ADAMTS2: variants seen among roughly 807,000 people sequenced by gnomAD.
ADAMTS2 encodes A disintegrin and metalloproteinase with thrombospondin motifs 2.
Under a neutral mutation model 123.0 loss-of-function variants are expected in ADAMTS2, and 50 were observed. That is an observed-to-expected ratio of 0.41 (90% CI 0.32 to 0.51). ADAMTS2 has a LOEUF of 0.51. ADAMTS2 is among the 20% of genes least tolerant of loss of function. The pLI is 0.35. For missense variants in ADAMTS2, 1,494 were observed against 1,705.2 expected (o/e 0.88, Z 2.18); for synonymous variants, 678 against 695.4 (o/e 0.98, Z 0.39).
intron 2 of ADAMTS2, among the ~76,000 whole-genome samples, chr5:179,298,242 AC>A (rs11380844): frequency 0.39 from 59,596 of 151,554 alleles, 13,766 homozygotes; most frequent in Non-Finnish European, 0.52. Context: ...TTCACTCCTA[AC>A]TCTGTGGCAG....
chr5:179,308,633 C>T lies in ADAMTS2; in HGVS notation c.534+35134G>A, dbSNP rs1756741295. ...AAACAGTTTCTCCCAACATGATGCC[C>T]ATGTGTATGTGGATTGGGGGAAATT... On this transcript the variant is annotated intron_variant, in intron 2 of 21. Transcript: ENST00000251582. The surrounding 1 kb of genome is among the most constrained non-coding windows in gnomAD (Gnocchi z 6.6). 6.6e-6 allele frequency among the ~76,000 whole-genome samples: 1 copy of T among 152,174 alleles called. No homozygotes were observed. Among genetic ancestry groups the T allele is most frequent in the Admixed American group, 6.5e-5 (1 of 15,280 alleles).
Position 179,207,210 on chromosome 5 carries a change from C to T in ADAMTS2, c.891+303G>A, listed in dbSNP as rs115957547. Among the ~76,000 whole-genome samples, 440 of 152,110 alleles carry T rather than the reference C, an allele frequency of 2.9e-3. 1 individual carries two copies. Among genetic ancestry groups the T allele is most frequent in the Non-Finnish European group, 3.0e-3 (201 of 67,978 alleles). ...TCAAGAAAACATATTTTTCAAATGA[C>T]GGGACATTGAATGACATTGTCATTC... On this transcript the variant is annotated intron_variant, in intron 4 of 21. Coordinates refer to ENST00000251582, the MANE Select transcript of ADAMTS2 (RefSeq NM_014244.5).
chr5:179,274,185 C>T (rs1013592631), intron 2 of ADAMTS2, among the ~76,000 whole-genome samples: 5 of 152,142 alleles, frequency 3.3e-5, no homozygotes, highest in African/African-American at 1.2e-4. Flanking sequence ...CCACCCATCC[C>T]ATGACAACTC....
intron 3 of ADAMTS2, among the ~76,000 whole-genome samples, chr5:179,252,971 G>A (rs995450492): frequency 6.6e-6 from 1 of 152,166 alleles, no homozygotes; most frequent in African/African-American, 2.4e-5. Context: ...TCATCTTGGG[G>A]AAATGAACCT....
At chr5:179,182,611 G>C (rs1219348266) in intron 4 of ADAMTS2, among the ~76,000 whole-genome samples, 1 of 152,142 alleles carries the variant, frequency 6.6e-6, no homozygotes, top group Non-Finnish European at 1.5e-5. Context: ...ACCGATCGTG[G>C]GGCAGAGTTC....
At chr5:179,266,522 G>A (rs1214270377) in intron 3 of ADAMTS2, among the ~76,000 whole-genome samples, 5 of 152,204 alleles carry the variant, frequency 3.3e-5, no homozygotes, top group Non-Finnish European at 4.4e-5. Flanking sequence ...GGGGCCTCCC[G>A]AAGGAACCAG....
At chr5:179,315,256 T>TGAGGCCACAGTTGGCTTCTGGAAAGCACC (rs1756956962) in intron 2 of ADAMTS2, among the ~76,000 whole-genome samples, 1 of 152,052 alleles carries the variant, frequency 6.6e-6, no homozygotes, top group African/African-American at 2.4e-5. Flanking sequence ...TGGAAAGCAC[T>TGAGGCCACAGTTGGCTTCTGGAAAGCACC]GAGGCCACAG....
intron 19 of ADAMTS2, among the ~76,000 whole-genome samples, chr5:179,123,641 C>T (rs954731578): frequency 2.0e-5 from 3 of 152,224 alleles, no homozygotes; most frequent in Non-Finnish European, 4.4e-5. Context: ...GCCGCCCAGG[C>T]TGGTCTCTAA....
At chr5:179,286,679 G>A (rs889572245) in intron 2 of ADAMTS2, among the ~76,000 whole-genome samples, 2 of 152,156 alleles carry the variant, frequency 1.3e-5, no homozygotes, top group Non-Finnish European at 2.9e-5. Context: ...ACAAAAGGTC[G>A]GGGCCGGCGC....
chr5:179,173,990 GCAA>G (rs1763882983), intron 5 of ADAMTS2, among the ~76,000 whole-genome samples: 1 of 144,750 alleles, frequency 6.9e-6, no homozygotes, highest in East Asian at 2.0e-4. Flanking sequence ...TCCAGCCTGG[GCAA>G]CAGAGCAAGA....
At chr5:179,137,528 C>G (rs148153747) in intron 12 of ADAMTS2, among the ~76,000 whole-genome samples, 5 of 152,272 alleles carry the variant, frequency 3.3e-5, no homozygotes, top group African/African-American at 7.2e-5. Flanking sequence ...GCCCGGCCAC[C>G]TCTTCCATGT....
intron 3 of ADAMTS2, among the ~76,000 whole-genome samples, chr5:179,257,488 C>G (rs1409853911): frequency 6.6e-6 from 1 of 152,160 alleles, no homozygotes; most frequent in African/African-American, 2.4e-5. Context: ...TGCTCCGAAC[C>G]CGGCGCCACG....
intron 5 of ADAMTS2, among the ~76,000 whole-genome samples, chr5:179,169,348 G>C (rs934297052): frequency 6.6e-6 from 1 of 152,240 alleles, no homozygotes; most frequent in Non-Finnish European, 1.5e-5. Context: ...CCCCAGAACA[G>C]TGAGTAACAC....
chr5:179,280,505 A>T (rs1347693145), intron 2 of ADAMTS2, among the ~76,000 whole-genome samples: 1 of 152,204 alleles, frequency 6.6e-6, no homozygotes, highest in African/African-American at 2.4e-5. Flanking sequence ...GTTGGCAGGT[A>T]CCGATCATCC....
intron 2 of ADAMTS2, among the ~76,000 whole-genome samples, chr5:179,328,158 G>C (rs1392187675): frequency 1.3e-5 from 2 of 152,098 alleles, no homozygotes; most frequent in Non-Finnish European, 2.9e-5. Flanking sequence ...TCAGCCTCCC[G>C]AGTAGCTGGG....
At chr5:179,344,463 T>C (rs1219827495) in intron 1 of ADAMTS2, among the ~76,000 whole-genome samples, 2 of 152,172 alleles carry the variant, frequency 1.3e-5, no homozygotes, top group Non-Finnish European at 1.5e-5. Flanking sequence ...AACCTCCCCG[T>C]GCCCGAAGGG....
At chr5:179,257,965 C>T (rs532727514) in intron 3 of ADAMTS2, among the ~76,000 whole-genome samples, 1 of 152,214 alleles carries the variant, frequency 6.6e-6, no homozygotes, top group Non-Finnish European at 1.5e-5. Context: ...TGCTGGCCGA[C>T]CCCGTGTCTA....
At chr5:179,190,863 G>A (rs1430834206) in intron 4 of ADAMTS2, among the ~76,000 whole-genome samples, 4 of 152,266 alleles carry the variant, frequency 2.6e-5, no homozygotes, top group African/African-American at 9.6e-5. Flanking sequence ...ATCACCATCG[G>A]GAGAGGTCTG....
rs944054740 is a variant in ADAMTS2, at chr5:179,130,804, G to A, written c.2291-706C>T. Among the ~76,000 whole-genome samples, 22 of 152,118 alleles carry A rather than the reference G, an allele frequency of 1.4e-4. No homozygotes were observed. The highest frequency in any genetic ancestry group is 5.3e-4 in the African/African-American group (22 of 41,416). On this transcript the variant is annotated intron_variant, in intron 15 of 21. Transcript: ENST00000251582. This position sits in a 1 kb window ranked among gnomAD's most constrained non-coding sequence, Gnocchi z 4.3. ...TCCCTGTCACGTCCCCTGTAATTCT[G>A]TCCACTCACAAACAAAGCCTCTGCT...
Sources: allele counts gnomAD v4.1 joint callset (sites outside exome capture counted in the v4.1 genomes callset), GRCh38; gene constraint gnomAD v4.1.1; non-coding constraint Gnocchi (gnomAD v3.1); transcripts MANE v1.5; gene names NCBI Gene and HGNC (gene_info 2026-07-23, HGNC 2026-07-21).